Variants in ALMS1 observed in about 807,000 individuals in gnomAD.
ALMS1 encodes ALMS1 centrosome and basal body associated protein, also known as centrosome-associated protein ALMS1.
In ALMS1, 271 loss-of-function variants were observed where a neutral mutation model predicts 352.2. The ratio of observed to expected loss-of-function variants is 0.77; its 90% CI spans 0.70 to 0.85. The LOEUF (loss-of-function observed/expected upper bound fraction) is 0.85, where lower values mean the gene tolerates loss of function less well. ALMS1 is among the 40% of genes least tolerant of loss of function. The probability of loss-of-function intolerance (pLI) is 0.00; values close to 1 mark genes in which losing one functional copy is unlikely to be tolerated. For missense variants in ALMS1, 5,445 were observed against 4,870.7 expected (o/e 1.12, Z -3.51); for synonymous variants, 1,865 against 1,761.2 (o/e 1.06, Z -1.48).
intron 10 of ALMS1, among the ~76,000 whole-genome samples, chr2:73,512,212 G>T (rs1348589218): frequency 6.6e-6 from 1 of 152,114 alleles, no homozygotes; most frequent in Non-Finnish European, 1.5e-5. Context: ...AGCCTCCCGA[G>T]TAGCTGGGAC....
chr2:73,503,248 C>A (rs576512064), intron 10 of ALMS1, among the ~76,000 whole-genome samples: 2 of 152,032 alleles, frequency 1.3e-5, no homozygotes, highest in Non-Finnish European at 2.9e-5. Flanking sequence ...TCCCTCCCCC[C>A]TTCCCCGACC....
chr2:73,465,109 A>G (rs547582137), intron 9 of ALMS1, among the ~76,000 whole-genome samples: 1 of 147,316 alleles, frequency 6.8e-6, no homozygotes, highest in African/African-American at 2.6e-5. Flanking sequence ...GCTACCGGTG[A>G]CTTTCTTCAC....
chr2:73,454,919 G>T (rs1449262687), intron 8 of ALMS1, among the ~76,000 whole-genome samples: 1 of 152,176 alleles, frequency 6.6e-6, no homozygotes, highest in East Asian at 1.9e-4. Flanking sequence ...AAATATGATT[G>T]ATTACCCGAT....
At chr2:73,427,383 A>G (rs925071126) in intron 6 of ALMS1, among the ~76,000 whole-genome samples, 1 of 152,174 alleles carries the variant, frequency 6.6e-6, no homozygotes, top group Admixed American at 6.5e-5. Flanking sequence ...TGAGCAACAT[A>G]CTAATGTATA....
At chr2:73,562,322 C>T (rs1051980730) in intron 15 of ALMS1, among the ~76,000 whole-genome samples, 1 of 152,072 alleles carries the variant, frequency 6.6e-6, no homozygotes, top group Admixed American at 6.5e-5. Flanking sequence ...CATGCTACCA[C>T]ACCTGGCTTG....
intron 9 of ALMS1, among the ~76,000 whole-genome samples, chr2:73,459,887 T>G (rs985924718): frequency 5.3e-5 from 8 of 152,314 alleles, no homozygotes; most frequent in Middle Eastern, 3.4e-3. Flanking sequence ...TGCTGTTGCC[T>G]TTATGCCCTT....
chr2:73,596,860 CTTTT>C lies in ALMS1; in HGVS notation c.11548-2526_11548-2523del, dbSNP rs70965740. On this transcript the variant is annotated intron_variant, in intron 16 of 22. Coordinates refer to ENST00000613296, the MANE Select transcript of ALMS1 (RefSeq NM_001378454.1). The stretch of plus-strand genomic sequence containing the variant: ...ATCAGGAAATATAAGCCCTCTACCT[CTTTT>C]TTTTTTTTTTTTTTCTTTTTTTTTT... Among the ~76,000 whole-genome samples, 210 of 104,250 alleles carry C rather than the reference CTTTT, an allele frequency of 2.0e-3. 2 individuals carry two copies. Among genetic ancestry groups the C allele is most frequent in the African/African-American group, 6.3e-3 (174 of 27,470 alleles). 68.4% of individuals were successfully genotyped at this position (104,250 alleles called of 152,430 possible).
At chr2:73,605,848 A>G (rs908404692) in intron 21 of ALMS1, among the ~76,000 whole-genome samples, 8 of 152,114 alleles carry the variant, frequency 5.3e-5, no homozygotes, top group African/African-American at 1.9e-4. Context: ...TGTCTCAAAA[A>G]AAAAAAAAGA....
chr2:73,492,768 G>A (rs1408712396), intron 10 of ALMS1, among the ~76,000 whole-genome samples: 1 of 152,062 alleles, frequency 6.6e-6, no homozygotes. Context: ...CTTTGAGACA[G>A]AGTCTCGCTC....
rs574422324 is a variant in ALMS1, at chr2:73,571,659, C to T, written c.10385-603C>T. Among the ~76,000 whole-genome samples the T allele has an allele frequency of 3.3e-5, 5 of 151,868 alleles. No individual in the cohort carries two copies. The South Asian group carries it at 1.0e-3, about 32-fold the overall frequency. On this transcript the variant is annotated intron_variant, in intron 15 of 22. Coordinates refer to ENST00000613296, the MANE Select transcript of ALMS1 (RefSeq NM_001378454.1). ...AACCATAGAAAATTGTAAGATATTA[C>T]ATCTAAAAATGTCAAAAAATGAAGA...
Position 73,452,188 on chromosome 2 carries a change from G to A in ALMS1, c.5661G>A (p.Gly1887=), listed in dbSNP as rs1230946037. The A allele has an allele frequency of 6.2e-7, 1 of 1,612,978 alleles. No individual in the cohort carries two copies. The highest frequency in any genetic ancestry group is 1.1e-5 in the South Asian group (1 of 91,006). Residue 1887 remains glycine, a synonymous_variant, in exon 8 of 23, where the codon GGG becomes GGA. Coordinates refer to ENST00000613296, the MANE Select transcript of ALMS1 (RefSeq NM_001378454.1). ...GVPGPADQKT[G]IQIASSSSYS... Reference sequence around the variant, plus strand: ...CTGGGCCTGCTGACCAGAAGACTGGGATACAAATAGCATCCTCTAGTTCCT... The same window carrying A: ...CTGGGCCTGCTGACCAGAAGACTGGAATACAAATAGCATCCTCTAGTTCCT...
At chr2:73,397,748 G>T (rs752687197) in intron 1 of ALMS1, among the ~76,000 whole-genome samples, 1 of 152,174 alleles carries the variant, frequency 6.6e-6, no homozygotes, top group Non-Finnish European at 1.5e-5. Context: ...GATTACAGGC[G>T]TGCGGTTTTG....
chr2:73,596,552 A>T (rs996480328), intron 16 of ALMS1, among the ~76,000 whole-genome samples: 18 of 151,598 alleles, frequency 1.2e-4, no homozygotes, highest in African/African-American at 4.4e-4. Flanking sequence ...GCACACTGCA[A>T]CCTTTGCCTC....
chr2:73,521,348 G>A (rs1161744591), intron 11 of ALMS1, among the ~76,000 whole-genome samples: 7 of 152,050 alleles, frequency 4.6e-5, no homozygotes, highest in African/African-American at 1.7e-4. Flanking sequence ...GTTTGGGTCT[G>A]TTCCAGATAC....
chr2:73,534,317 C>T (rs1003222024), intron 11 of ALMS1, among the ~76,000 whole-genome samples: 8 of 151,996 alleles, frequency 5.3e-5, no homozygotes, highest in African/African-American at 1.9e-4. Flanking sequence ...TGTTTTGAAG[C>T]CCTGTCACAT....
chr2:73,571,131 G>T (rs953361686), intron 15 of ALMS1, among the ~76,000 whole-genome samples: 7 of 152,128 alleles, frequency 4.6e-5, no homozygotes, highest in Admixed American at 3.3e-4. Context: ...ACATACTTTA[G>T]GTATAAATGC....
intron 7 of ALMS1, among the ~76,000 whole-genome samples, chr2:73,442,016 T>C (rs894881951): frequency 2.0e-5 from 3 of 152,162 alleles, no homozygotes; most frequent in African/African-American, 7.2e-5. Context: ...GCCATGAAAC[T>C]TTCCTAACTT....
chr2:73,450,951 C>G lies in ALMS1; in HGVS notation c.4424C>G (p.Ser1475Cys). The G allele has an allele frequency of 6.2e-7, 1 of 1,613,998 alleles. No homozygotes were observed. Among genetic ancestry groups the G allele is most frequent in the South Asian group, 1.1e-5 (1 of 91,070 alleles). Residue 1475 changes from serine to cysteine, a missense_variant, in exon 8 of 23, where the codon TCC becomes TGC. Physicochemically the swap from Ser to Cys is moderately radical, Grantham distance 112 (BLOSUM62 -1). Transcript: ENST00000613296. The stretch of plus-strand genomic sequence containing the variant: ...GGCACACCAACTGTAACCTCCCCTT[C>G]CAGCTCATTTGGAGAGAAGCCCATT... Reference protein sequence around the residue: ...TIGTPTVTSPSSSFGEKPIVI... With the variant: ...TIGTPTVTSPCSSFGEKPIVI...
intron 20 of ALMS1, among the ~76,000 whole-genome samples, 165 bp downstream of exon 20, chr2:73,602,533 C>G (rs1271393147): frequency 6.6e-6 from 1 of 152,256 alleles, no homozygotes; most frequent in African/African-American, 2.4e-5. Flanking sequence ...ATCTCCCCAA[C>G]TTAGCCGTCA....
Sources: gnomAD v4.1 joint callset for allele counts (sites outside exome capture counted in the v4.1 genomes callset) on GRCh38, gnomAD v4.1.1 for gene constraint, MANE v1.5 for transcripts, NCBI Gene and HGNC (gene_info 2026-07-23, HGNC 2026-07-21) for gene names.